Variants in VWA3B observed in about 807,000 individuals in gnomAD.
VWA3B encodes von Willebrand factor A domain-containing protein 3B.
VWA3B carries 138 observed loss-of-function variants against 158.3 expected under a neutral mutation model. The ratio of observed to expected loss-of-function variants is 0.87; its 90% CI spans 0.76 to 1.00. VWA3B has a LOEUF of 1.00. Ranked by LOEUF, VWA3B falls within the 50% of genes least tolerant of loss-of-function variation. The pLI is 0.00. For missense variants in VWA3B, 1,555 were observed against 1,565.1 expected (o/e 0.99, Z 0.11); for synonymous variants, 596 against 587.3 (o/e 1.01, Z -0.21).
intron 9 of VWA3B, 114 bp from the exon 10 acceptor site, chr2:98,187,861 C>A (rs552752747): frequency 1.8e-6 from 2 of 1,084,266 alleles, no homozygotes; most frequent in Non-Finnish European, 1.3e-6. Context: ...GAATGATTGA[C>A]GGTAGAGTGG....
chr2:98,268,375 G>T (rs1215994031), intron 21 of VWA3B, among the ~76,000 whole-genome samples: 10 of 152,096 alleles, frequency 6.6e-5, no homozygotes, highest in East Asian at 1.9e-4. Flanking sequence ...GGGATGCAAG[G>T]CTGGTTCAAT....
intron 26 of VWA3B, among the ~76,000 whole-genome samples, chr2:98,304,872 G>A (rs193140156): frequency 4.6e-5 from 7 of 152,196 alleles, no homozygotes; most frequent in Admixed American, 1.3e-4. Context: ...CCTTGGTTCC[G>A]CAGTGTGATC....
At chr2:98,191,781 C>G (rs752712116) in intron 10 of VWA3B, among the ~76,000 whole-genome samples, 1 of 152,154 alleles carries the variant, frequency 6.6e-6, no homozygotes, top group Non-Finnish European at 1.5e-5. Flanking sequence ...TCGAGGACAC[C>G]CTTCTGCAGA....
At chr2:98,206,600 A>G in intron 12 of VWA3B, 4 of 450,606 alleles carry the variant, frequency 8.9e-6, no homozygotes, top group Non-Finnish European at 1.8e-5. Context: ...TGGAGAGCCT[A>G]TTGATGAAAG....
intron 2 of VWA3B, among the ~76,000 whole-genome samples, chr2:98,101,163 T>TGTA: frequency 6.6e-6 from 1 of 152,234 alleles, no homozygotes; most frequent in Admixed American, 6.5e-5. Context: ...TGTACTGTTT[T>TGTA]CCTACTGCGG....
intron 8 of VWA3B, among the ~76,000 whole-genome samples, chr2:98,163,841 G>A (rs1272500557): frequency 6.6e-6 from 1 of 152,188 alleles, no homozygotes. Context: ...ATAGCAAAGC[G>A]ATCAGATACT....
rs951848369 is a variant in VWA3B at position 98,209,919 on chromosome 2, C to T, written c.1738-2011C>T. On this transcript the variant is annotated intron_variant, in intron 12 of 27. Coordinates refer to ENST00000477737, the MANE Select transcript of VWA3B (RefSeq NM_144992.5). Reference sequence around the variant, plus strand: ...GCTCTGGCTTACTTCTGTGGGCTTTCGTTCCAGTGGCAGTCTCGTTCCCTG... The same window carrying T: ...GCTCTGGCTTACTTCTGTGGGCTTTTGTTCCAGTGGCAGTCTCGTTCCCTG... Among the ~76,000 whole-genome samples, 3 of 152,270 alleles carry T rather than the reference C, an allele frequency of 2.0e-5. No individual in the cohort carries two copies. In the South Asian group the frequency reaches 6.2e-4, roughly 32 times the overall value.
chr2:98,250,486 G>T, intron 20 of VWA3B, 50 bp downstream of exon 20: 1 of 1,375,702 alleles, frequency 7.3e-7, no homozygotes, highest in Non-Finnish European at 1.0e-6. Flanking sequence ...TTTATTTTAT[G>T]GAGAAGGAGA....
intron 21 of VWA3B, among the ~76,000 whole-genome samples, chr2:98,257,816 C>T (rs72817790): frequency 4.7e-4 from 72 of 151,732 alleles, no homozygotes; most frequent in African/African-American, 1.5e-3. Context: ...GTTATCTTTT[C>T]GTATTCTTCA....
At chr2:98,180,165 TTCTC>T (rs564023681) in intron 8 of VWA3B, among the ~76,000 whole-genome samples, 1 of 143,964 alleles carries the variant, frequency 6.9e-6, no homozygotes, top group African/African-American at 2.5e-5. Flanking sequence ...CTTTCTTTTC[TTCTC>T]TCTCTCTCTT....
chr2:98,310,372 C>T (rs949522760), intron 26 of VWA3B, among the ~76,000 whole-genome samples: 3 of 152,242 alleles, frequency 2.0e-5, no homozygotes, highest in South Asian at 2.1e-4. Flanking sequence ...ACCAGCACAG[C>T]GCCAGAGTCC....
intron 22 of VWA3B, among the ~76,000 whole-genome samples, chr2:98,274,633 G>A (rs17493153): frequency 0.039 from 5,908 of 152,290 alleles, 169 homozygotes; most frequent in Middle Eastern, 0.075. Flanking sequence ...AGAAAACGAG[G>A]TATTTGAACT....
intron 8 of VWA3B, among the ~76,000 whole-genome samples, chr2:98,179,902 CTT>C (rs1680394421): frequency 8.7e-6 from 1 of 114,898 alleles, no homozygotes; most frequent in Non-Finnish European, 1.8e-5. Context: ...CTTTCTTTCT[CTT>C]TCTTCTCTCT....
chr2:98,169,666 C>T (rs1212365115), intron 8 of VWA3B, among the ~76,000 whole-genome samples: 1 of 151,516 alleles, frequency 6.6e-6, no homozygotes, highest in Non-Finnish European at 1.5e-5. Context: ...AGAGTCACTC[C>T]TCTGGCGCTG....
chr2:98,104,710 A>G (rs750681923), intron 2 of VWA3B, among the ~76,000 whole-genome samples: 2 of 152,196 alleles, frequency 1.3e-5, no homozygotes, highest in Non-Finnish European at 2.9e-5. Context: ...CTATTTGTCC[A>G]ATCTTTTTCT....
intron 19 of VWA3B, among the ~76,000 whole-genome samples, chr2:98,238,988 A>G (rs542542511): frequency 5.9e-5 from 9 of 152,350 alleles, no homozygotes; most frequent in Non-Finnish European, 1.3e-4. Context: ...TTGATAATCA[A>G]TTAGACACCA....
In VWA3B at chr2:98,205,469, C is replaced by A. The variant is rs144097988; in HGVS notation, c.1738-6461C>A. On this transcript the variant is annotated intron_variant, in intron 12 of 27. Coordinates refer to ENST00000477737, the MANE Select transcript of VWA3B (RefSeq NM_144992.5). ...CAATTTTATTGATTCTTTTTAACAA[C>A]CAGCCTTTTGTTTTATCAATTTTCT... Among the ~76,000 whole-genome samples, 210 of 152,148 alleles carry A rather than the reference C, an allele frequency of 1.4e-3. 1 individual carries two copies. The highest frequency in any genetic ancestry group is 0.014 in the Middle Eastern group (4 of 294).
intron 23 of VWA3B, among the ~76,000 whole-genome samples, chr2:98,293,613 A>T (rs1286727991): frequency 6.6e-6 from 1 of 152,142 alleles, no homozygotes; most frequent in African/African-American, 2.4e-5. Flanking sequence ...CACATATATT[A>T]TTTTATTCTC....
rs148222789 is a variant in VWA3B at position 98,128,331 on chromosome 2, C to A, written c.795C>A (p.Val265=). Residue 265 remains valine, a synonymous_variant, in exon 6 of 28, where the codon GTC becomes GTA. Transcript: ENST00000477737. ...LQRALEIPCP[V]YTVSFNARGE... ...GGGCCTTGGAGATCCCGTGTCCAGT[C>A]TACACAGTGTCCTTCAACGCCAGAG... 1 of 1,614,172 alleles carries A rather than the reference C, an allele frequency of 6.2e-7. No individual in the cohort carries two copies. The highest frequency in any genetic ancestry group is 8.5e-7 in the Non-Finnish European group (1 of 1,180,034).
Sources: allele counts gnomAD v4.1 joint callset (sites outside exome capture counted in the v4.1 genomes callset), GRCh38; gene constraint gnomAD v4.1.1; transcripts MANE v1.5; gene names NCBI Gene and HGNC (gene_info 2026-07-23, HGNC 2026-07-21).